The following ADAM22 variants were observed in gnomAD, a reference collection of about 807,000 sequenced individuals.
ADAM22 encodes the protein disintegrin and metalloproteinase domain-containing protein 22.
ADAM22 carries 65 observed loss-of-function variants against 144.6 expected under a neutral mutation model. The ratio of observed to expected loss-of-function variants is 0.45; its 90% CI spans 0.37 to 0.55. ADAM22 has a LOEUF of 0.55. Ranked by LOEUF, ADAM22 falls within the 20% of genes least tolerant of loss-of-function variation. The probability of loss-of-function intolerance (pLI) is 0.00; values close to 1 mark genes in which losing one functional copy is unlikely to be tolerated. For missense variants in ADAM22, 974 were observed against 1,184.9 expected (o/e 0.82, Z 2.61); for synonymous variants, 391 against 412.6 (o/e 0.95, Z 0.63).
At chr7:88,002,725 C>T (rs556250727) in intron 3 of ADAM22, among the ~76,000 whole-genome samples, 61 of 152,270 alleles carry the variant, frequency 4.0e-4, no homozygotes, top group Non-Finnish European at 8.5e-4. Flanking sequence ...TGAAGAAGAA[C>T]CTTTTCCTTT....
At chr7:88,092,324 C>T (rs888881019) in intron 4 of ADAM22, among the ~76,000 whole-genome samples, 1 of 152,096 alleles carries the variant, frequency 6.6e-6, no homozygotes, top group African/African-American at 2.4e-5. Context: ...ATACACAGCC[C>T]GCAAGCAGGA....
chr7:87,935,795 G>A (rs1203449788), intron 2 of ADAM22, among the ~76,000 whole-genome samples: 1 of 152,154 alleles, frequency 6.6e-6, no homozygotes, highest in East Asian at 1.9e-4. Flanking sequence ...GGGCTGTGCT[G>A]TTTGTTGAGC....
intron 3 of ADAM22, among the ~76,000 whole-genome samples, chr7:88,073,351 A>G (rs1047117089): frequency 6.6e-6 from 1 of 152,200 alleles, no homozygotes; most frequent in African/African-American, 2.4e-5. Context: ...TATCAGGGTC[A>G]TGAGAGGAGC....
chr7:88,178,053 G>A (rs562167409), intron 26 of ADAM22, among the ~76,000 whole-genome samples: 2 of 152,174 alleles, frequency 1.3e-5, no homozygotes, highest in East Asian at 1.9e-4. Context: ...AGGTTAACTG[G>A]GGGCCTTATC....
At chr7:88,002,458 T>G (rs978963642) in intron 3 of ADAM22, among the ~76,000 whole-genome samples, 1 of 152,064 alleles carries the variant, frequency 6.6e-6, no homozygotes, top group African/African-American at 2.4e-5. Context: ...GAGCTGAATG[T>G]GAGGGAGGGG....
intron 7 of ADAM22, among the ~76,000 whole-genome samples, chr7:88,118,883 T>G (rs1482206792): frequency 1.3e-5 from 2 of 152,120 alleles, no homozygotes; most frequent in African/African-American, 4.8e-5. Context: ...TGATTTACTG[T>G]GATAAATGAG....
intron 3 of ADAM22, among the ~76,000 whole-genome samples, chr7:88,062,206 ACAT>A (rs1810077565): frequency 8.2e-6 from 1 of 121,922 alleles, no homozygotes; most frequent in Non-Finnish European, 2.0e-5. Context: ...GTCCTAGATG[ACAT>A]CTTCTTCCAA....
rs200646503 is a variant in ADAM22, at chr7:88,110,667, T to C, written c.473+2409T>C. 4.1e-4 allele frequency among the ~76,000 whole-genome samples: 61 copies of C among 149,068 alleles called. No individual in the cohort carries two copies. In the East Asian group the frequency reaches 0.012, roughly 29 times the overall value. On this transcript the variant is annotated intron_variant, in intron 5 of 31. Transcript: ENST00000413139. ...TTTCTTTTCTTTTCTTTTTTTTCTT[T>C]TCTCTTCTCTTTTCTTTTTCTTTTC...
intron 3 of ADAM22, among the ~76,000 whole-genome samples, chr7:88,005,783 C>A (rs905639335): frequency 2.0e-5 from 3 of 151,866 alleles, no homozygotes; most frequent in Non-Finnish European, 2.9e-5. Context: ...TTAAGGGATA[C>A]TTTTAAGAAA....
At chr7:88,007,742 A>G (rs943644490) in intron 3 of ADAM22, among the ~76,000 whole-genome samples, 2 of 152,212 alleles carry the variant, frequency 1.3e-5, no homozygotes, top group Admixed American at 1.3e-4. Context: ...TTATATAAAA[A>G]TTAATTCAAG....
intron 14 of ADAM22, among the ~76,000 whole-genome samples, chr7:88,136,983 T>A (rs1292906197): frequency 6.6e-6 from 1 of 152,156 alleles, no homozygotes; most frequent in Non-Finnish European, 1.5e-5. Context: ...AGTAAAATAC[T>A]GCATTTGTGG....
intron 2 of ADAM22, among the ~76,000 whole-genome samples, chr7:87,968,284 G>A (rs1849618997): frequency 6.6e-6 from 1 of 152,118 alleles, no homozygotes; most frequent in East Asian, 1.9e-4. Context: ...GACATTGATG[G>A]CTCTTTAAAA....
chr7:88,153,052 G>T (rs1048305731), intron 20 of ADAM22, among the ~76,000 whole-genome samples, 169 bp from the exon 21 acceptor site: 2 of 152,064 alleles, frequency 1.3e-5, no homozygotes. Context: ...CTGAGTCATG[G>T]ATATATATGA....
At chr7:88,142,696 G>A (rs1213003136) in intron 14 of ADAM22, among the ~76,000 whole-genome samples, 1 of 152,116 alleles carries the variant, frequency 6.6e-6, no homozygotes, top group East Asian at 1.9e-4. Flanking sequence ...AAATTAGCTG[G>A]GCATGGTGGC....
chr7:88,181,897 A>C, intron 28 of ADAM22, 61 bp from the exon 29 acceptor site: 1 of 1,466,336 alleles, frequency 6.8e-7, no homozygotes, highest in Non-Finnish European at 9.5e-7. Context: ...AATGCCTCGT[A>C]ATTAGACATA....
At chr7:88,169,920 T>A (rs145380773) in intron 25 of ADAM22, among the ~76,000 whole-genome samples, 3 of 152,200 alleles carry the variant, frequency 2.0e-5, no homozygotes, top group African/African-American at 7.2e-5. Context: ...TGCCACCTAG[T>A]GATGGAAGTG....
At chr7:88,043,101 A>G (rs1302807322) in intron 3 of ADAM22, among the ~76,000 whole-genome samples, 8 of 151,914 alleles carry the variant, frequency 5.3e-5, no homozygotes, top group East Asian at 1.9e-4. Context: ...GCTTCAAACA[A>G]TATTGCTGTT....
chr7:87,953,126 T>G (rs1324075718), intron 2 of ADAM22, among the ~76,000 whole-genome samples: 1 of 152,184 alleles, frequency 6.6e-6, no homozygotes, highest in Non-Finnish European at 1.5e-5. Flanking sequence ...GGGTTTTTTT[T>G]TTGTCTCTAT....
intron 2 of ADAM22, among the ~76,000 whole-genome samples, chr7:87,973,778 G>A (rs1243577750): frequency 6.6e-6 from 1 of 152,182 alleles, no homozygotes; most frequent in Non-Finnish European, 1.5e-5. Context: ...ATGAGCTCAT[G>A]TCCTTTGTAG....
Sources: allele counts gnomAD v4.1 joint callset (sites outside exome capture counted in the v4.1 genomes callset), GRCh38; gene constraint gnomAD v4.1.1; transcripts MANE v1.5; gene names NCBI Gene and HGNC (gene_info 2026-07-23, HGNC 2026-07-21).